Variants in INPPL1 observed in about 807,000 individuals in gnomAD.
INPPL1 encodes inositol polyphosphate phosphatase like 1.
A neutral mutation model predicts 139.3 loss-of-function variants in INPPL1; 91 were observed. That is an observed-to-expected ratio of 0.65 (90% CI 0.55 to 0.78). INPPL1 has a LOEUF of 0.78. Ranked by LOEUF, INPPL1 falls within the 30% of genes least tolerant of loss-of-function variation. The pLI, the probability that INPPL1 is intolerant of heterozygous loss-of-function variation, is 0.00. For synonymous variants in INPPL1, 719 were observed against 686.6 expected (o/e 1.05, Z -0.74); for missense variants, 1,411 against 1,665.6 (o/e 0.85, Z 2.66).
upstream of INPPL1, among the ~76,000 whole-genome samples, chr11:72,224,165 C>A (rs1038319487): frequency 6.6e-6 from 1 of 152,178 alleles, no homozygotes; most frequent in East Asian, 2.0e-4. Context: ...CGTCGCACCT[C>A]GTCTGGGCCC....
chr11:72,235,243 C>T lies in INPPL1; in HGVS notation c.2503+40C>T. 3 of 1,613,770 alleles carry T rather than the reference C, an allele frequency of 1.9e-6. No homozygotes were observed. The highest frequency in any genetic ancestry group is 2.5e-6 in the Non-Finnish European group (3 of 1,179,782). The stretch of plus-strand genomic sequence containing the variant: ...GTGCTGAGGGGAACAGGAAGCCAGA[C>T]AGGGCCCTAGATTAGCTTGGTAATT... On this transcript the variant is annotated intron_variant, in intron 22 of 27. Coordinates refer to ENST00000298229, the MANE Select transcript of INPPL1 (RefSeq NM_001567.4). The surrounding 1 kb of genome is among the most constrained non-coding windows in gnomAD (Gnocchi z 4.9).
intron 18 of INPPL1, 30 bp from the exon 19 acceptor site, chr11:72,233,621 CCCCT>C: frequency 6.2e-7 from 1 of 1,605,648 alleles, no homozygotes; most frequent in South Asian, 1.1e-5. Context: ...GGGAATATTC[CCCCT>C]GAGTCCCCAT....
rs1204437007 is a variant in INPPL1, at chr11:72,237,599, C to T, written c.3355C>T (p.Arg1119Trp). The T allele has an allele frequency of 2.4e-5, 38 of 1,599,466 alleles. 1 individual carries two copies. Among genetic ancestry groups the T allele is most frequent in the South Asian group, 1.3e-4 (12 of 90,168 alleles). Residue 1119 changes from arginine to tryptophan, a missense_variant, in exon 26 of 28, where the codon CGG becomes TGG. Physicochemically the swap from Arg to Trp is moderately radical, Grantham distance 101. Transcript: ENST00000298229. ...FLGEVASGDDRSCSVLQMAKT... is the reference protein window; with the variant it reads ...FLGEVASGDDWSCSVLQMAKT... ...GGGGGAAGTGGCCAGTGGGGATGAC[C>T]GGTCCTGCTCGGTGCTGCAGATGGC...
chr11:72,237,671 T>C lies in INPPL1; in HGVS notation c.3427T>C (p.Ser1143Pro). The C allele has an allele frequency of 6.2e-7, 1 of 1,611,884 alleles. No individual in the cohort carries two copies. Among genetic ancestry groups the C allele is most frequent in the Non-Finnish European group, 8.5e-7 (1 of 1,179,404 alleles). The change falls in exon 26 of 28, where the codon TCA becomes CCA. Residue 1143 changes from serine to proline, a missense_variant. Ser to Pro is a moderately conservative substitution (Grantham distance 74). Transcript: ENST00000298229. ...CTATGCCCCTGCTGGGCCTGCACGC[T>C]CAGCGCTCCTCCCAGGCCCCCTGGA... ...VDYAPAGPARSALLPGPLELQ... is the reference protein window; with the variant it reads ...VDYAPAGPARPALLPGPLELQ...
rs1006044765 is a variant in INPPL1 at position 72,234,411 on chromosome 11, G to T, written c.2326+17G>T. The T allele has an allele frequency of 8.7e-6, 14 of 1,610,534 alleles. No individual in the cohort carries two copies. Among genetic ancestry groups the T allele is most frequent in the Non-Finnish European group, 1.2e-5 (14 of 1,176,812 alleles). On this transcript the variant is annotated intron_variant, in intron 20 of 27. Transcript: ENST00000298229. The surrounding 1 kb of genome is among the most constrained non-coding windows in gnomAD (Gnocchi z 4.2). ...GCCTGGAGGGTCAGAGGCGTGGCAG[G>T]GGCTGGGTGTGGGCCAAGGAGGATG...
At position 72,238,046 on chromosome 11, in the gene INPPL1, C is replaced by G; in HGVS notation, c.3557C>G (p.Pro1186Arg). 1 of 1,546,020 alleles carries G rather than the reference C, an allele frequency of 6.5e-7. No homozygotes were observed. The highest frequency in any genetic ancestry group is 8.7e-7 in the Non-Finnish European group (1 of 1,148,262). ...SIQEDLAEEAPCLQGGRASGL... is the reference protein window; with the variant it reads ...SIQEDLAEEARCLQGGRASGL... ...TGACATGCCCTGTTTCCTTAGGCTCCGTGCCTGCAGGGCGGGCGGGCCAGC... is the reference window on the plus strand; with the variant it reads ...TGACATGCCCTGTTTCCTTAGGCTCGGTGCCTGCAGGGCGGGCGGGCCAGC... The change falls in exon 27 of 28, where the codon CCG (proline) becomes CGG (arginine). Residue 1186 changes from proline (P) to arginine (R), a missense_variant. Physicochemically the swap from Pro to Arg is moderately radical, Grantham distance 103. Transcript: ENST00000298229.
Position 72,225,763 on chromosome 11 carries a change from TGGC to T in INPPL1, c.182+598_182+600del, listed in dbSNP as rs1948653860. Among the ~76,000 whole-genome samples, 4 of 152,334 alleles carry T rather than the reference TGGC, an allele frequency of 2.6e-5. No homozygotes were observed. In the South Asian group the frequency reaches 8.3e-4, roughly 32 times the overall value. On this transcript the variant is annotated intron_variant, in intron 1 of 27. Transcript: ENST00000298229. ...AACCAATGAGTGAGTGTTTGAGCCCTGGCTCTGGGCTTGAGCCCTGGTTACCTG... is the reference window on the plus strand; with the variant it reads ...AACCAATGAGTGAGTGTTTGAGCCCTTCTGGGCTTGAGCCCTGGTTACCTG...
At chr11:72,232,424 T>A in intron 14 of INPPL1, 88 bp downstream of exon 14, 7 of 1,305,744 alleles carry the variant, frequency 5.4e-6, no homozygotes, top group Non-Finnish European at 7.5e-6. Context: ...CCCATGACCC[T>A]CCCGCAGGCC....
chr11:72,223,820 T>C (rs1948586326), upstream of INPPL1: 1 of 149,722 alleles, frequency 6.7e-6, no homozygotes, highest in Admixed American at 6.7e-5. Context: ...CGAGGCGCGG[T>C]GCTGCCCCCG....
In INPPL1 at chr11:72,230,980, C is replaced by T. The variant is rs372488792; in HGVS notation, c.1301-13C>T. 3 of 1,612,384 alleles carry T rather than the reference C, an allele frequency of 1.9e-6. No homozygotes were observed. Among genetic ancestry groups the T allele is most frequent in the Non-Finnish European group, 2.5e-6 (3 of 1,178,860 alleles). ...TAACCCCTCCAGACCCACCTCACCC[C>T]CTTCACCTCCAGGAAGTGTACCACC... On this transcript the variant is annotated splice_polypyrimidine_tract_variant and intron_variant, in intron 11 of 27. Coordinates refer to ENST00000298229, the MANE Select transcript of INPPL1 (RefSeq NM_001567.4).
At position 72,234,327 on chromosome 11, in the gene INPPL1, C is replaced by T. The variant is rs772418570; in HGVS notation, c.2259C>T (p.Ile753=). The change falls in exon 20 of 28, where the codon ATC becomes ATT. Residue 753 remains isoleucine (I), a synonymous_variant. Transcript: ENST00000298229. The surrounding 1 kb of genome is among the most constrained non-coding windows in gnomAD (Gnocchi z 4.2). ...AGGCCTACATTGAGTTTGAGAGCAT[C>T]GAGGCCATTGTGAAGACAGCCAGCC... The part of the protein sequence containing the change: ...SDQAYIEFES[I]EAIVKTASRT... The T allele has an allele frequency of 1.7e-5, 27 of 1,613,978 alleles. No individual in the cohort carries two copies. The highest frequency in any genetic ancestry group is 2.7e-5 in the African/African-American group (2 of 74,886).
At chr11:72,237,961 C>G in intron 26 of INPPL1, 81 bp from the exon 27 acceptor site, 1 of 1,474,588 alleles carries the variant, frequency 6.8e-7, no homozygotes, top group Non-Finnish European at 9.0e-7. Context: ...CTTCCTTTTC[C>G]CCAGAGCATG....
In INPPL1 at chr11:72,234,269, C is replaced by T; in HGVS notation, c.2213-12C>T. The T allele has an allele frequency of 6.3e-7, 1 of 1,597,310 alleles. No homozygotes were observed. Among genetic ancestry groups the T allele is most frequent in the Non-Finnish European group, 8.6e-7 (1 of 1,164,940 alleles). On this transcript the variant is annotated splice_polypyrimidine_tract_variant and intron_variant, in intron 19 of 27. Coordinates refer to ENST00000298229, the MANE Select transcript of INPPL1 (RefSeq NM_001567.4). This position sits in a 1 kb window ranked among gnomAD's most constrained non-coding sequence, Gnocchi z 4.2. ...TCAGTCCTCCTGTTTGTTCTCCTCC[C>T]TTTCTCCTCAGGGCTCTCAAAGACT...
intron 14 of INPPL1, 113 bp from the exon 15 acceptor site, chr11:72,232,513 C>T (rs1208055578): frequency 1.4e-5 from 19 of 1,397,154 alleles, no homozygotes; most frequent in Admixed American, 1.9e-5. Context: ...CCCAGGGGCC[C>T]GGATCTTTAC....
upstream of INPPL1, among the ~76,000 whole-genome samples, chr11:72,224,355 A>C (rs1309926989): frequency 6.6e-6 from 1 of 151,606 alleles, no homozygotes; most frequent in East Asian, 2.0e-4. Context: ...GTGGTCCTGG[A>C]TCCTTCGCAG....
In INPPL1 at chr11:72,237,118, AC is replaced by A; in HGVS notation, c.2880-3del. 1.3e-6 allele frequency: 2 copies of A among 1,569,314 alleles called. No individual in the cohort carries two copies. Among genetic ancestry groups the A allele is most frequent in the Non-Finnish European group, 8.7e-7 (1 of 1,154,414 alleles). On this transcript the variant is annotated splice_polypyrimidine_tract_variant and splice_region_variant and intron_variant, in intron 25 of 27. Coordinates refer to ENST00000298229, the MANE Select transcript of INPPL1 (RefSeq NM_001567.4). ...CCTGGCTTAGTCGTTCTGCTTCCAC[AC>A]CCAGGTTGAAGCCAGAGGGAGCTCC...
chr11:72,230,470 T>TGAGC lies in INPPL1; in HGVS notation c.1197+3_1197+6dup. 1 of 1,612,968 alleles carries TGAGC rather than the reference T, an allele frequency of 6.2e-7. No individual in the cohort carries two copies. Among genetic ancestry groups the TGAGC allele is most frequent in the African/African-American group, 1.3e-5 (1 of 75,026 alleles). ...GACTTCATCTTTGTCAGTGCCCGGG[T>TGAGC]GAGCAGCAGGCTGGGCCAGGCCACT... On this transcript the variant is annotated splice_region_variant and intron_variant, in intron 10 of 27. Coordinates refer to ENST00000298229, the MANE Select transcript of INPPL1 (RefSeq NM_001567.4).
chr11:72,225,020 C>T lies in INPPL1; in HGVS notation c.36C>T (p.Gly12=). 1 of 1,217,576 alleles carries T rather than the reference C, an allele frequency of 8.2e-7. No individual in the cohort carries two copies. The highest frequency in any genetic ancestry group is 1.0e-6 in the Non-Finnish European group (1 of 979,174). 75.4% of individuals were successfully genotyped at this position (1,217,576 alleles called of 1,614,324 possible). The change falls in exon 1 of 28, where the codon GGC becomes GGT. Residue 12 remains glycine (G), a synonymous_variant. Transcript: ENST00000298229. The part of the protein sequence containing the change: ...ASACGAPGPG[G]ALGSQAPSWY... ...CCTGCGGGGCGCCGGGCCCGGGGGG[C>T]GCCCTGGGCAGCCAGGCCCCCTCCT... is the stretch of plus-strand genomic sequence containing the variant.
chr11:72,237,875 A>C, intron 26 of INPPL1, 79 bp downstream of exon 26: 1 of 1,490,228 alleles, frequency 6.7e-7, no homozygotes, highest in Non-Finnish European at 9.0e-7. Flanking sequence ...TCCACCATTC[A>C]GCACTCATGG....
Sources: gnomAD v4.1 joint callset for allele counts (sites outside exome capture counted in the v4.1 genomes callset) on GRCh38, gnomAD v4.1.1 for gene constraint, Gnocchi (gnomAD v3.1) non-coding constraint, MANE v1.5 for transcripts, NCBI Gene and HGNC (gene_info 2026-07-23, HGNC 2026-07-21) for gene names.